The following CTNNA3 variants were observed in gnomAD, a reference collection of about 807,000 sequenced individuals.
CTNNA3 encodes the protein catenin alpha-3.
In CTNNA3, 76 loss-of-function variants were observed where a neutral mutation model predicts 95.7. That is an observed-to-expected ratio of 0.79 (90% CI 0.66 to 0.96). The LOEUF is 0.96. Ranked by LOEUF, CTNNA3 falls within the 40% of genes least tolerant of loss-of-function variation. The probability of loss-of-function intolerance (pLI) is 0.00; values close to 1 mark genes in which losing one functional copy is unlikely to be tolerated. For synonymous variants in CTNNA3, 431 were observed against 374.4 expected, an observed-to-expected ratio of 1.15 and a Z score of -1.74; for missense variants, 1,191 against 1,089.8, an observed-to-expected ratio of 1.09 and a Z score of -1.31.
At chr10:66,084,856 AT>A (rs996622644) in intron 14 of CTNNA3, 4 of 152,062 alleles carry the variant, frequency 2.6e-5, no homozygotes, top group African/African-American at 7.2e-5. Flanking sequence ...TTATTTGTGT[AT>A]TTTTTTATTT....
intron 3 of CTNNA3, among the ~76,000 whole-genome samples, chr10:67,586,048 A>C (rs1436594004): frequency 1.3e-5 from 2 of 152,206 alleles, no homozygotes; most frequent in East Asian, 3.9e-4. Context: ...TTTCAAAAAA[A>C]TTTTTATTTC....
chr10:66,967,060 T>C (rs544409467), intron 7 of CTNNA3, among the ~76,000 whole-genome samples: 1 of 152,144 alleles, frequency 6.6e-6, no homozygotes, highest in African/African-American at 2.4e-5. Context: ...ACATAGAACC[T>C]GGTACCACTA....
At chr10:66,777,803 A>ACACT (rs780003198) in intron 7 of CTNNA3, among the ~76,000 whole-genome samples, 2 of 149,400 alleles carry the variant, frequency 1.3e-5, no homozygotes, top group Non-Finnish European at 3.0e-5. Context: ...ACACATGCAC[A>ACACT]CACACACACA....
chr10:67,537,758 G>A (rs1277486149), intron 4 of CTNNA3, among the ~76,000 whole-genome samples: 2 of 152,062 alleles, frequency 1.3e-5, no homozygotes, highest in Non-Finnish European at 2.9e-5. Context: ...TTAATCTTTT[G>A]TACCCATTTC....
chr10:66,441,177 T>G (rs1389794940), intron 11 of CTNNA3, among the ~76,000 whole-genome samples: 1 of 151,884 alleles, frequency 6.6e-6, no homozygotes, highest in Non-Finnish European at 1.5e-5. Flanking sequence ...TACAAAATAT[T>G]TAATCATTTT....
At chr10:67,513,996 T>G (rs1317499701) in intron 5 of CTNNA3, among the ~76,000 whole-genome samples, 1 of 152,214 alleles carries the variant, frequency 6.6e-6, no homozygotes, top group Non-Finnish European at 1.5e-5. Context: ...TCCTTGCAAC[T>G]CATTTTTTTC....
intron 11 of CTNNA3, among the ~76,000 whole-genome samples, chr10:66,436,904 A>G (rs1026452238): frequency 2.0e-5 from 3 of 152,084 alleles, no homozygotes; most frequent in African/African-American, 7.2e-5. Context: ...ATCTCTCAGC[A>G]TTTGCTTGTC....
At chr10:66,642,950 A>G (rs1384137029) in intron 9 of CTNNA3, among the ~76,000 whole-genome samples, 1 of 152,128 alleles carries the variant, frequency 6.6e-6, no homozygotes, top group African/African-American at 2.4e-5. Context: ...CACTAAAAAG[A>G]CCTTTTCAAA....
At chr10:66,464,582 G>C (rs149363113) in intron 11 of CTNNA3, among the ~76,000 whole-genome samples, 11,378 of 151,906 alleles carry the variant, frequency 0.075, 733 homozygotes, top group East Asian at 0.24. Context: ...GGCCAACATG[G>C]TGAAACCCCA....
At chr10:66,015,615 T>C (rs565525877) in intron 15 of CTNNA3, among the ~76,000 whole-genome samples, 9 of 152,302 alleles carry the variant, frequency 5.9e-5, no homozygotes, top group African/African-American at 1.9e-4. Flanking sequence ...CCTACATAAA[T>C]AGCAGAATTA....
chr10:66,231,399 C>CT (rs1011996492), intron 13 of CTNNA3, among the ~76,000 whole-genome samples: 6 of 151,834 alleles, frequency 4.0e-5, no homozygotes, highest in Admixed American at 6.6e-5. Context: ...TCGTAAAGTG[C>CT]TTTTTTTTCC....
intron 13 of CTNNA3, among the ~76,000 whole-genome samples, chr10:66,134,840 T>C (rs1175271171): frequency 1.5e-5 from 1 of 68,640 alleles, no homozygotes; most frequent in Non-Finnish European, 2.8e-5. Context: ...ATCCTAATAG[T>C]TATTAACAGA....
At chr10:66,664,608 A>G (rs1056520021) in intron 9 of CTNNA3, among the ~76,000 whole-genome samples, 22 of 152,148 alleles carry the variant, frequency 1.4e-4, no homozygotes, top group African/African-American at 5.3e-4. Flanking sequence ...TGAAATCTAG[A>G]AACATGACTA....
At chr10:66,603,766 A>T (rs952390552) in intron 10 of CTNNA3, among the ~76,000 whole-genome samples, 11 of 152,158 alleles carry the variant, frequency 7.2e-5, no homozygotes, top group Admixed American at 2.0e-4. Context: ...AGAATACAGA[A>T]ATAAACCCAC....
chr10:66,027,732 G>A (rs984440175), intron 15 of CTNNA3, among the ~76,000 whole-genome samples: 7 of 152,096 alleles, frequency 4.6e-5, no homozygotes, highest in African/African-American at 1.7e-4. Flanking sequence ...AGCAACACTA[G>A]TCATAGCAAA....
At chr10:67,079,570 C>T (rs911392770) in intron 7 of CTNNA3, among the ~76,000 whole-genome samples, 1 of 152,138 alleles carries the variant, frequency 6.6e-6, no homozygotes, top group African/African-American at 2.4e-5. Context: ...ATAGTCACAG[C>T]CCAGCGCGGT....
At chr10:67,245,597 C>T (rs966983123) in intron 5 of CTNNA3, among the ~76,000 whole-genome samples, 7 of 152,148 alleles carry the variant, frequency 4.6e-5, no homozygotes, top group African/African-American at 4.8e-5. Context: ...TAGTGGCTCA[C>T]GCCTGTAATC....
At chr10:66,008,442 G>A (rs571520576) in intron 15 of CTNNA3, among the ~76,000 whole-genome samples, 16 of 152,286 alleles carry the variant, frequency 1.1e-4, no homozygotes, top group Middle Eastern at 3.4e-3. Flanking sequence ...ATATGTTTAC[G>A]CCAGGAGCTG....
chr10:67,437,454 C>A (rs1846340969), intron 5 of CTNNA3, among the ~76,000 whole-genome samples: 1 of 149,414 alleles, frequency 6.7e-6, no homozygotes, highest in Admixed American at 6.6e-5. Flanking sequence ...ACCATCTGTA[C>A]CCCAATAAAT....
Sources: allele counts gnomAD v4.1 joint callset (sites outside exome capture counted in the v4.1 genomes callset), GRCh38; gene constraint gnomAD v4.1.1; transcripts MANE v1.5; gene names NCBI Gene and HGNC (gene_info 2026-07-23, HGNC 2026-07-21).